The following ZNF682 variants were observed in gnomAD, a reference collection of about 807,000 sequenced individuals.
The protein encoded by ZNF682 is zinc finger protein 682.
A neutral mutation model predicts 36.5 loss-of-function variants in ZNF682; 29 were observed. The observed-to-expected ratio is 0.80, with a 90% CI of 0.59 to 1.08. ZNF682 has a LOEUF of 1.08. Among genes scored for constraint, ZNF682 ranks in the 50% least tolerant of loss-of-function variants. The probability of loss-of-function intolerance (pLI) is 0.00; values close to 1 mark genes in which losing one functional copy is unlikely to be tolerated. For missense variants in ZNF682, 561 were observed against 579.7 expected (o/e 0.97, Z 0.33); for synonymous variants, 180 against 197.0 (o/e 0.91, Z 0.72).
chr19:20,016,138 C>T (rs2088332825), intron 3 of ZNF682, among the ~76,000 whole-genome samples: 1 of 152,142 alleles, frequency 6.6e-6, no homozygotes, highest in South Asian at 2.1e-4. Flanking sequence ...TGGTGAAACT[C>T]CATCTTTAGA....
chr19:20,010,237 C>G (rs1016341348), intron 3 of ZNF682, among the ~76,000 whole-genome samples: 1 of 152,154 alleles, frequency 6.6e-6, no homozygotes, highest in Non-Finnish European at 1.5e-5. Flanking sequence ...CAAAAACACA[C>G]ATAAGTACAT....
At chr19:19,996,330 G>A (rs2088128786), downstream of ZNF682, among the ~76,000 whole-genome samples, 1 of 152,126 alleles carries the variant, frequency 6.6e-6, no homozygotes, top group Non-Finnish European at 1.5e-5. Context: ...TCTCAGTAAT[G>A]GCTATCTCCC....
chr19:20,011,517 G>A (rs201289319), intron 3 of ZNF682, among the ~76,000 whole-genome samples: 5 of 152,070 alleles, frequency 3.3e-5, no homozygotes, highest in African/African-American at 1.2e-4. Flanking sequence ...TCTCATCTGC[G>A]CACAGAATAT....
intron 3 of ZNF682, chr19:20,007,577 G>A (rs565381014): frequency 9.2e-5 from 27 of 292,028 alleles, no homozygotes; most frequent in African/African-American, 5.7e-4. Flanking sequence ...CAGTCTTATG[G>A]AAGGGATATG....
intron 3 of ZNF682, among the ~76,000 whole-genome samples, chr19:20,017,197 C>T (rs948589850): frequency 2.6e-5 from 4 of 152,160 alleles, no homozygotes; most frequent in East Asian, 3.9e-4. Flanking sequence ...GAAAACAAAA[C>T]GCAACTAGTA....
intron 1 of ZNF682, among the ~76,000 whole-genome samples, chr19:20,032,337 T>C (rs1386635393): frequency 6.6e-6 from 1 of 152,226 alleles, no homozygotes; most frequent in African/African-American, 2.4e-5. Flanking sequence ...ACAGGGTTTG[T>C]CTCTGAATTC....
chr19:20,009,200 A>C (rs1421246161), intron 3 of ZNF682, among the ~76,000 whole-genome samples: 1 of 152,190 alleles, frequency 6.6e-6, no homozygotes, highest in African/African-American at 2.4e-5. Context: ...TTAAAAGTTG[A>C]AAATTTTACT....
intron 1 of ZNF682, 141 bp downstream of exon 1, chr19:20,039,202 G>A (rs1568549640): frequency 1.4e-6 from 2 of 1,429,402 alleles, no homozygotes; most frequent in East Asian, 2.5e-5. Context: ...GGTGATCGAC[G>A]GCCGAGCTGT....
chr19:20,019,061 T>A (rs4542782), intron 3 of ZNF682, among the ~76,000 whole-genome samples: 11,754 of 152,200 alleles, frequency 0.077, 663 homozygotes, highest in East Asian at 0.2. Context: ...AAAAGTGAGT[T>A]ACTTGATTAA....
exon 4 of ZNF682, chr19:19,997,146 C>T: frequency 2.5e-6 from 1 of 398,240 alleles, no homozygotes; most frequent in Non-Finnish European, 4.4e-6. Context: ...TGTCCAGGGG[C>T]ACAGAGAATG....
chr19:20,039,305 C>T (rs376979372), intron 1 of ZNF682, 38 bp downstream of exon 1: 9 of 1,610,894 alleles, frequency 5.6e-6, no homozygotes, highest in Middle Eastern at 1.6e-4. Context: ...TCAACCAGCC[C>T]TGCCCCCACC....
chr19:20,006,157 C>T lies in ZNF682; in HGVS notation c.1345G>A (p.Ala449Thr). Reference sequence around the variant, plus strand: ...TCTTCACATTTATAGCGTTTGACGGCAGTATGAATTTTCTTATGTCTAGTA... The same window carrying T: ...TCTTCACATTTATAGCGTTTGACGGTAGTATGAATTTTCTTATGTCTAGTA... ...HLTRHKKIHT[A>T]VKRYKCEECG... is the part of the protein sequence containing the mutation. The change falls in exon 4 of 4, where the codon GCC becomes ACC. Residue 449 changes from alanine to threonine, a missense_variant. Physicochemically the swap from Ala to Thr is moderately conservative, Grantham distance 58. Transcript: ENST00000397165. The T allele has an allele frequency of 6.2e-7, 1 of 1,613,072 alleles. No homozygotes were observed. Among genetic ancestry groups the T allele is most frequent in the East Asian group, 2.2e-5 (1 of 44,868 alleles).
At chr19:20,011,778 C>T (rs2088290277) in intron 3 of ZNF682, among the ~76,000 whole-genome samples, 1 of 152,172 alleles carries the variant, frequency 6.6e-6, no homozygotes, top group South Asian at 2.1e-4. Context: ...TGGCTCATGT[C>T]TGCAATCCCA....
intron 1 of ZNF682, among the ~76,000 whole-genome samples, chr19:20,033,005 A>T (rs991920082): frequency 7.2e-5 from 11 of 152,188 alleles, no homozygotes; most frequent in Admixed American, 2.6e-4. Context: ...GTGGCTCACT[A>T]CTGTAATCCC....
intron 1 of ZNF682, 37 bp from the exon 2 acceptor site, chr19:20,024,413 A>G (rs2122365318): frequency 1.9e-6 from 3 of 1,590,148 alleles, no homozygotes; most frequent in Non-Finnish European, 1.7e-6. Flanking sequence ...CCAACTGTCA[A>G]TGGGCAGAGT....
At chr19:20,026,724 C>T (rs2088435072) in intron 1 of ZNF682, among the ~76,000 whole-genome samples, 1 of 152,140 alleles carries the variant, frequency 6.6e-6, no homozygotes. Flanking sequence ...CCTCAGCCTC[C>T]CAAAGTCCTG....
Position 20,012,716 on chromosome 19 carries a change from C to T in ZNF682, c.227-5441G>A, listed in dbSNP as rs536380817. On this transcript the variant is annotated intron_variant, in intron 3 of 3. Transcript: ENST00000397165. The stretch of plus-strand genomic sequence containing the variant: ...CCGGGAGGCGGAGCTTGCAGTGAAC[C>T]GAGATCGCGCCACTGCACTCCAGCC... Among the ~76,000 whole-genome samples, 3 of 147,368 alleles carry T rather than the reference C, an allele frequency of 2.0e-5. No individual in the cohort carries two copies. In the East Asian group the frequency reaches 5.9e-4, roughly 29 times the overall value.
At chr19:20,034,907 G>T (rs535756175) in intron 1 of ZNF682, among the ~76,000 whole-genome samples, 1 of 152,186 alleles carries the variant, frequency 6.6e-6, no homozygotes, top group African/African-American at 2.4e-5. Flanking sequence ...GACCAGCCTG[G>T]CCAGCATGGC....
chr19:20,010,863 G>T (rs2088279790), intron 3 of ZNF682, among the ~76,000 whole-genome samples: 3 of 151,920 alleles, frequency 2.0e-5, no homozygotes, highest in Non-Finnish European at 4.4e-5. Context: ...TACTAGGGAG[G>T]CTGAGGCAGG....
Sources: gnomAD v4.1 joint callset for allele counts (sites outside exome capture counted in the v4.1 genomes callset) on GRCh38, gnomAD v4.1.1 for gene constraint, MANE v1.5 for transcripts, NCBI Gene and HGNC (gene_info 2026-07-23, HGNC 2026-07-21) for gene names.